The following SGCD variants were observed in gnomAD, a reference collection of about 807,000 sequenced individuals.
The protein encoded by SGCD is delta-sarcoglycan.
In SGCD, 18 loss-of-function variants were observed where a neutral mutation model predicts 36.6. That is an observed-to-expected ratio of 0.49 (90% CI 0.34 to 0.73). SGCD has a LOEUF of 0.73. Ranked by LOEUF, SGCD falls within the 30% of genes least tolerant of loss-of-function variation. The pLI is 0.01. For missense variants in SGCD, 387 were observed against 346.7 expected (o/e 1.12, Z -0.92); for synonymous variants, 133 against 130.6 (o/e 1.02, Z -0.12).
chr5:155,779,066 T>C, the SGCD span, among the ~76,000 whole-genome samples: 1 of 152,196 alleles, frequency 6.6e-6, no homozygotes, highest in Non-Finnish European at 1.5e-5. Flanking sequence ...CTGGAATGTA[T>C]GTTTACTCTC....
intron 1 of SGCD, among the ~76,000 whole-genome samples, chr5:155,969,568 A>G (rs1314626955): frequency 6.6e-6 from 1 of 152,154 alleles, no homozygotes; most frequent in African/African-American, 2.4e-5. Context: ...GGCAGAAGAC[A>G]TGTGGTGTGA....
At chr5:156,018,137 C>T (rs149242951) in intron 1 of SGCD, among the ~76,000 whole-genome samples, 117 of 152,266 alleles carry the variant, frequency 7.7e-4, no homozygotes, top group Middle Eastern at 3.4e-3. Flanking sequence ...TCCTGAGCAA[C>T]ACGGTGAGAC....
At chr5:156,368,956 C>T (rs1454539134) in intron 3 of SGCD, among the ~76,000 whole-genome samples, 1 of 152,122 alleles carries the variant, frequency 6.6e-6, no homozygotes, top group Admixed American at 6.5e-5. Context: ...ATCCTGAAAC[C>T]ATCCCCTGCA....
intron 3 of SGCD, among the ~76,000 whole-genome samples, chr5:156,359,751 A>C (rs1178252849): frequency 6.6e-6 from 1 of 152,210 alleles, no homozygotes. Flanking sequence ...GAACTTTCTT[A>C]ATGCACACAT....
At chr5:156,259,432 G>A (rs747534908) in intron 3 of SGCD, among the ~76,000 whole-genome samples, 1 of 151,724 alleles carries the variant, frequency 6.6e-6, no homozygotes, top group South Asian at 2.1e-4. Context: ...TCTTAATGGT[G>A]TCTTTTACTG....
At chr5:155,938,983 A>C (rs1757270847) in intron 1 of SGCD, among the ~76,000 whole-genome samples, 1 of 152,212 alleles carries the variant, frequency 6.6e-6, no homozygotes, top group African/African-American at 2.4e-5. Context: ...AAGCTGCACT[A>C]ATAGCCAACC....
At chr5:155,802,749 T>C in the SGCD span, among the ~76,000 whole-genome samples, 1 of 152,208 alleles carries the variant, frequency 6.6e-6, no homozygotes, top group Non-Finnish European at 1.5e-5. Flanking sequence ...TGGATATTGG[T>C]CACATTTTGG....
At chr5:155,932,389 C>T (rs968906441) in intron 1 of SGCD, among the ~76,000 whole-genome samples, 3 of 152,158 alleles carry the variant, frequency 2.0e-5, no homozygotes, top group Admixed American at 6.6e-5. Context: ...ATCTGGGCCT[C>T]TACTTATCAA....
chr5:155,973,377 G>C (rs1758044244), intron 1 of SGCD, among the ~76,000 whole-genome samples: 1 of 152,154 alleles, frequency 6.6e-6, no homozygotes, highest in African/African-American at 2.4e-5. Flanking sequence ...CACTGAGAAG[G>C]TTTTTAAGGA....
chr5:155,918,036 C>T (rs1212915117), intron 1 of SGCD, among the ~76,000 whole-genome samples: 1 of 152,136 alleles, frequency 6.6e-6, no homozygotes, highest in Non-Finnish European at 1.5e-5. Flanking sequence ...CCCGATCTGC[C>T]ATGCCTCGGG....
chr5:156,338,802 G>A (rs1297383645), intron 2 of SGCD, among the ~76,000 whole-genome samples: 1 of 152,122 alleles, frequency 6.6e-6, no homozygotes, highest in Admixed American at 6.5e-5. Context: ...AGTCACTGAG[G>A]TGTTGGTGGT....
intron 4 of SGCD, among the ~76,000 whole-genome samples, chr5:156,582,407 A>C (rs1032008447): frequency 6.6e-5 from 10 of 152,088 alleles, no homozygotes; most frequent in African/African-American, 2.4e-4. Context: ...AGGGCAACCA[A>C]TTGAGCTCTA....
intron 3 of SGCD, among the ~76,000 whole-genome samples, chr5:156,448,481 C>A (rs993312117): frequency 6.6e-6 from 1 of 152,122 alleles, no homozygotes; most frequent in African/African-American, 2.4e-5. Context: ...CAGCAGCAGC[C>A]TCTCCATGGA....
intron 1 of SGCD, among the ~76,000 whole-genome samples, chr5:156,036,903 A>G (rs1389472320): frequency 6.6e-6 from 1 of 152,136 alleles, no homozygotes; most frequent in Non-Finnish European, 1.5e-5. Flanking sequence ...TTTTCCTGCC[A>G]AGCTCTTTGC....
intron 3 of SGCD, among the ~76,000 whole-genome samples, chr5:156,291,677 A>C (rs935068325): frequency 6.6e-6 from 1 of 152,150 alleles, no homozygotes; most frequent in Non-Finnish European, 1.5e-5. Context: ...TATTCTCACG[A>C]AACTTGCCTT....
At chr5:156,319,753 C>T (rs1294168353) in intron 3 of SGCD, among the ~76,000 whole-genome samples, 3 of 152,196 alleles carry the variant, frequency 2.0e-5, no homozygotes, top group Non-Finnish European at 2.9e-5. Flanking sequence ...CATATCACGT[C>T]TTCTTTTCAG....
intron 6 of SGCD, among the ~76,000 whole-genome samples, chr5:156,610,263 T>C (rs1169434304): frequency 6.6e-6 from 1 of 152,180 alleles, no homozygotes. Flanking sequence ...CTTCTAACAG[T>C]CAGGACCCTC....
At chr5:155,985,636 A>G (rs959078807) in intron 1 of SGCD, among the ~76,000 whole-genome samples, 9 of 152,216 alleles carry the variant, frequency 5.9e-5, no homozygotes, top group African/African-American at 2.2e-4. Context: ...GAATGGTAGA[A>G]TGTAGTTTGT....
intron 3 of SGCD, among the ~76,000 whole-genome samples, chr5:156,217,140 A>G (rs1392541697): frequency 6.6e-6 from 1 of 152,192 alleles, no homozygotes; most frequent in Non-Finnish European, 1.5e-5. Flanking sequence ...GTTAATAGTA[A>G]GAGTTCTTAG....
Sources: allele counts gnomAD v4.1 joint callset (sites outside exome capture counted in the v4.1 genomes callset), GRCh38; gene constraint gnomAD v4.1.1; transcripts MANE v1.5; gene names NCBI Gene and HGNC (gene_info 2026-07-23, HGNC 2026-07-21).